The following RIIAD1 variants were observed in gnomAD, a reference collection of about 807,000 sequenced individuals.
The protein encoded by RIIAD1 is RIIa domain-containing protein 1.
In RIIAD1, 15 loss-of-function variants were observed where a neutral mutation model predicts 13.3. The observed-to-expected ratio is 1.13, with a 90% CI of 0.76 to 1.74. The LOEUF is 1.74. Among genes scored for constraint, RIIAD1 ranks in the 40% most tolerant of loss-of-function variants. The pLI is 0.00. For missense variants in RIIAD1, 121 were observed against 112.2 expected (o/e 1.08, Z -0.35); for synonymous variants, 50 against 43.3 (o/e 1.16, Z -0.61).
chr1:151,726,942 G>C (rs1571950112), intron 2 of RIIAD1, among the ~76,000 whole-genome samples: 1 of 152,148 alleles, frequency 6.6e-6, no homozygotes, highest in East Asian at 1.9e-4. Context: ...GGGCCGGCCG[G>C]CATGTTCTTC....
At chr1:151,727,392 CTTAGA>C (rs970723599) in intron 2 of RIIAD1, among the ~76,000 whole-genome samples, 178 bp from the exon 3 acceptor site, 2 of 152,158 alleles carry the variant, frequency 1.3e-5, no homozygotes, top group Non-Finnish European at 2.9e-5. Context: ...CACTCCTTGC[CTTAGA>C]TACGGAGTTG....
chr1:151,716,777 C>G (rs753987555), upstream of RIIAD1: 1 of 466,622 alleles, frequency 2.1e-6, no homozygotes, highest in South Asian at 1.6e-5. Flanking sequence ...GCTCTGCTCT[C>G]CGGCCGCGCT....
intron 3 of RIIAD1, chr1:151,714,366 G>A (rs1296655405): frequency 1.8e-5 from 11 of 619,910 alleles, no homozygotes; most frequent in African/African-American, 5.5e-5. Context: ...GGCTGCATCT[G>A]CTCCTGGTAA....
At chr1:151,712,936 C>T (rs930886726) in intron 2 of RIIAD1, among the ~76,000 whole-genome samples, 3 of 152,110 alleles carry the variant, frequency 2.0e-5, no homozygotes, top group Non-Finnish European at 4.4e-5. Context: ...CACACACACA[C>T]TGCATGCACA....
exon 4 of RIIAD1, chr1:151,714,468 G>C: frequency 1.3e-6 from 1 of 743,736 alleles, no homozygotes; most frequent in Non-Finnish European, 2.4e-6. Flanking sequence ...ATGCTACAGA[G>C]AGAGAGGGGG....
intron 2 of RIIAD1, among the ~76,000 whole-genome samples, chr1:151,725,717 C>T (rs1303560863): frequency 1.3e-5 from 2 of 152,142 alleles, no homozygotes. Flanking sequence ...TCTTTTGTGC[C>T]TGTTTCCTTT....
intron 2 of RIIAD1, among the ~76,000 whole-genome samples, chr1:151,723,041 C>G (rs999912020): frequency 1.3e-5 from 2 of 152,228 alleles, no homozygotes; most frequent in Admixed American, 6.5e-5. Context: ...AGCAGTCGGT[C>G]CCCATTTCCC....
rs868505512 is a variant in RIIAD1, at chr1:151,729,594, G to A, written c.*164G>A. The A allele has an allele frequency of 2.2e-4, 34 of 152,328 alleles. 2 individuals are homozygous for A. In the Middle Eastern group the frequency reaches 0.034, roughly 152 times the overall value. The allele number at this position is 152,328 out of a possible 1,614,324, so 9.4% of individuals were successfully genotyped here. On this transcript the variant is annotated 3_prime_UTR_variant, in exon 5 of 5. Transcript: ENST00000479191. ...CTTTTAAAGATATTCATTAAACACG[G>A]ACCTTCCTGCTCTCTCTGCTTTATT...
intron 2 of RIIAD1, 75 bp from the exon 3 acceptor site, chr1:151,727,500 C>G (rs1392350202): frequency 1.0e-6 from 1 of 960,112 alleles, no homozygotes; most frequent in African/African-American, 1.6e-5. Flanking sequence ...TGTGAAAGTA[C>G]AGGACCTGAA....
upstream of RIIAD1, among the ~76,000 whole-genome samples, chr1:151,720,930 C>T (rs1294357115): frequency 6.6e-6 from 1 of 152,006 alleles, no homozygotes; most frequent in Non-Finnish European, 1.5e-5. Context: ...TTATGAGGAG[C>T]CCAGGGTGAA....
At chr1:151,714,304 G>T (rs867286012) in intron 3 of RIIAD1, 2 of 581,360 alleles carry the variant, frequency 3.4e-6, no homozygotes, top group African/African-American at 3.7e-5. Flanking sequence ...CTTCCAACCA[G>T]CGAGTCCTCC....
upstream of RIIAD1, chr1:151,721,390 C>A: frequency 2.4e-6 from 1 of 409,350 alleles, no homozygotes. Context: ...AGAGACCCAC[C>A]CCCCAAGCCC....
intron 1 of RIIAD1, among the ~76,000 whole-genome samples, chr1:151,711,593 G>A (rs1178541847): frequency 2.6e-5 from 4 of 152,262 alleles, no homozygotes. Context: ...AGGCATGTGT[G>A]TGCGGGTGCG....
intron 2 of RIIAD1, among the ~76,000 whole-genome samples, chr1:151,724,842 T>C (rs1673798582): frequency 2.0e-5 from 3 of 152,126 alleles, no homozygotes; most frequent in African/African-American, 7.2e-5. Flanking sequence ...CTCTGTCGCT[T>C]AGGCTGGAGT....
chr1:151,728,439 G>A (rs1673869864), intron 3 of RIIAD1: 2 of 342,748 alleles, frequency 5.8e-6, no homozygotes, highest in Non-Finnish European at 1.1e-5. Flanking sequence ...GGCTCTCTGT[G>A]CGTCAGCAGG....
In RIIAD1 at chr1:151,728,841, C is replaced by A. The variant is rs748646116; in HGVS notation, c.*5C>A. On this transcript the variant is annotated 3_prime_UTR_variant, in exon 4 of 5. Transcript: ENST00000479191. ...AAAGACAAGAAAGCGGCTTAATTAG[C>A]AAAATCATGATGCTCAGCTGTTGGG... 4.0e-6 allele frequency: 6 copies of A among 1,507,240 alleles called. No individual in the cohort carries two copies. Among genetic ancestry groups the A allele is most frequent in the Non-Finnish European group, 5.4e-6 (6 of 1,106,634 alleles). 93.4% of individuals were successfully genotyped at this position (1,507,240 alleles called of 1,614,324 possible).
chr1:151,715,794 C>T (rs1050543765), intron 4 of RIIAD1: 35 of 1,594,364 alleles, frequency 2.2e-5, no homozygotes, highest in Admixed American at 3.4e-5. Context: ...CCTTCCCAGC[C>T]GCTCCACCCC....
upstream of RIIAD1, among the ~76,000 whole-genome samples, chr1:151,717,888 C>T (rs1673608039): frequency 6.6e-6 from 1 of 152,174 alleles, no homozygotes; most frequent in Non-Finnish European, 1.5e-5. Flanking sequence ...CGTGACCCCT[C>T]CATGCACTGG....
chr1:151,722,327 C>A (rs1261416771), intron 2 of RIIAD1, among the ~76,000 whole-genome samples, 165 bp downstream of exon 2: 1 of 152,192 alleles, frequency 6.6e-6, no homozygotes, highest in South Asian at 2.1e-4. Flanking sequence ...GGGAATTTGG[C>A]GTTGCGAAAC....
Sources: gnomAD v4.1 joint callset for allele counts (sites outside exome capture counted in the v4.1 genomes callset) on GRCh38, gnomAD v4.1.1 for gene constraint, MANE v1.5 for transcripts, NCBI Gene and HGNC (gene_info 2026-07-23, HGNC 2026-07-21) for gene names.